The following PDS5A variants were observed in gnomAD, a reference collection of about 807,000 sequenced individuals.
PDS5A encodes the protein PDS5 cohesin associated factor A.
Under a neutral mutation model 167.1 loss-of-function variants are expected in PDS5A, and 42 were observed. The observed-to-expected ratio is 0.25, with a 90% CI of 0.20 to 0.33. The LOEUF (loss-of-function observed/expected upper bound fraction) is 0.33, where lower values mean the gene tolerates loss of function less well. Ranked by LOEUF, PDS5A falls within the 10% of genes least tolerant of loss-of-function variation. PDS5A has a pLI of 1.00. For synonymous variants in PDS5A, 553 were observed against 554.6 expected, an observed-to-expected ratio of 1.00 and a Z score of 0.04; for missense variants, 1,033 against 1,605.9, an observed-to-expected ratio of 0.64 and a Z score of 6.10.
chr4:39,976,561 T>C lies in PDS5A; in HGVS notation c.17A>G (p.Gln6Arg). 6.2e-7 allele frequency: 1 copy of C among 1,612,242 alleles called. No individual in the cohort carries two copies. Among genetic ancestry groups the C allele is most frequent in the East Asian group, 2.2e-5 (1 of 44,846 alleles). Residue 6 changes from glutamine to arginine, a missense_variant, in exon 2 of 33, where the codon CAG becomes CGG. Physicochemically the swap from Gln to Arg is conservative, Grantham distance 43. Transcript: ENST00000303538. ...ACAGAGGGCAGTGGCAGGCTTGGGC[T>C]GCGCGGTGAAGTCCATCCTGGGGGA... MDFTA[Q>R]PKPATALCGV...
Position 39,900,165 on chromosome 4 carries a change from T to C in PDS5A, c.1581+261A>G, listed in dbSNP as rs181075137. ...AAATTTAATTCTAATTATTTGAAAA[T>C]TGATTAACTATAAACTCTTAGTGTC... On this transcript the variant is annotated intron_variant, in intron 14 of 32. Transcript: ENST00000303538. Among the ~76,000 whole-genome samples, 32 of 152,242 alleles carry C rather than the reference T, an allele frequency of 2.1e-4. No individual in the cohort carries two copies. The East Asian group carries it at 5.6e-3, about 27-fold the overall frequency.
intron 5 of PDS5A, among the ~76,000 whole-genome samples, chr4:39,923,671 A>ACACACACACACACACG: frequency 6.6e-6 from 1 of 150,940 alleles, no homozygotes; most frequent in Non-Finnish European, 1.5e-5. Flanking sequence ...ACACACACAC[A>ACACACACACACACACG]CGCATCCACT....
chr4:39,858,307 T>C (rs1718700049), intron 26 of PDS5A, among the ~76,000 whole-genome samples: 2 of 152,168 alleles, frequency 1.3e-5, no homozygotes, highest in Admixed American at 6.5e-5. Flanking sequence ...ACTTCTCAAT[T>C]CTGAAACTTA....
intron 31 of PDS5A, 56 bp downstream of exon 31, chr4:39,841,892 G>T: frequency 1.0e-6 from 1 of 952,898 alleles, no homozygotes; most frequent in Non-Finnish European, 1.7e-6. Context: ...TATCCCTACG[G>T]AAAAACTGTA....
At chr4:39,872,476 C>A (rs1720132249) in intron 21 of PDS5A, among the ~76,000 whole-genome samples, 1 of 151,940 alleles carries the variant, frequency 6.6e-6, no homozygotes. Flanking sequence ...ATAAGCCTGG[C>A]CAACATAGCG....
At chr4:39,976,690 C>T in intron 1 of PDS5A, 73 bp from the exon 2 acceptor site, 2 of 772,818 alleles carry the variant, frequency 2.6e-6, no homozygotes, top group South Asian at 4.4e-5. Context: ...TCAAATCTCT[C>T]TAATCTGGAA....
chr4:39,906,932 A>AAC (rs1160362415), intron 11 of PDS5A, among the ~76,000 whole-genome samples: 4 of 151,012 alleles, frequency 2.6e-5, no homozygotes, highest in Admixed American at 2.6e-4. Flanking sequence ...AAAAAAAAAA[A>AAC]AAAAAAAAAA....
At chr4:39,829,234 A>C (rs1715591655) in intron 32 of PDS5A, among the ~76,000 whole-genome samples, 1 of 152,232 alleles carries the variant, frequency 6.6e-6, no homozygotes, top group Non-Finnish European at 1.5e-5. Context: ...ACTCACAGGG[A>C]ATACTAGCAG....
chr4:39,879,212 T>C (rs779129076), intron 18 of PDS5A, among the ~76,000 whole-genome samples: 9 of 152,178 alleles, frequency 5.9e-5, no homozygotes, highest in Non-Finnish European at 1.3e-4. Flanking sequence ...TATCAAGGGC[T>C]GCAGCTGGTT....
At chr4:39,903,974 A>C (rs528152721) in intron 12 of PDS5A, 66 bp downstream of exon 12, 1 of 850,218 alleles carries the variant, frequency 1.2e-6, no homozygotes, top group Admixed American at 3.5e-5. Context: ...CTAAAATATT[A>C]AATAGACATT....
intron 19 of PDS5A, among the ~76,000 whole-genome samples, chr4:39,875,595 G>A (rs543072018): frequency 1.2e-4 from 19 of 152,250 alleles, no homozygotes; most frequent in African/African-American, 4.6e-4. Flanking sequence ...AACCAAAAAT[G>A]GGAACATATG....
chr4:39,968,502 G>A (rs147041433), intron 2 of PDS5A, among the ~76,000 whole-genome samples: 13 of 150,216 alleles, frequency 8.7e-5, no homozygotes, highest in East Asian at 1.9e-4. Context: ...GCACCATGTC[G>A]GCTCACCACA....
chr4:39,924,840 G>A (rs1172913051), intron 5 of PDS5A, among the ~76,000 whole-genome samples: 2 of 152,190 alleles, frequency 1.3e-5, no homozygotes, highest in Non-Finnish European at 2.9e-5. Flanking sequence ...GGCTGGGTGT[G>A]GTAGCTCACA....
chr4:39,956,101 G>A (rs1471848102), intron 2 of PDS5A, among the ~76,000 whole-genome samples: 1 of 150,430 alleles, frequency 6.6e-6, no homozygotes, highest in Non-Finnish European at 1.5e-5. Flanking sequence ...TTAAGAAACA[G>A]ACTGAGACTG....
intron 32 of PDS5A, among the ~76,000 whole-genome samples, chr4:39,832,328 C>T (rs1322537662): frequency 1.3e-5 from 2 of 151,642 alleles, no homozygotes; most frequent in Non-Finnish European, 2.9e-5. Context: ...ATTCTCCTGC[C>T]TCAGCCTCCC....
intron 2 of PDS5A, chr4:39,973,736 T>C (rs1404326134): frequency 7.0e-6 from 9 of 1,286,176 alleles, no homozygotes; most frequent in East Asian, 2.3e-5. Flanking sequence ...ATGCAGAGAA[T>C]GGCAAGTGTA....
chr4:39,923,721 TAAAGGTGA>T (rs1725224539), intron 5 of PDS5A, among the ~76,000 whole-genome samples: 2 of 151,598 alleles, frequency 1.3e-5, no homozygotes, highest in African/African-American at 4.9e-5. Flanking sequence ...CCCAGATTTT[TAAAGGTGA>T]TAAAATTTTA....
At chr4:39,928,281 TTC>T in intron 2 of PDS5A, 117 bp from the exon 3 acceptor site, 1 of 608,126 alleles carries the variant, frequency 1.6e-6, no homozygotes, top group Non-Finnish European at 2.9e-6. Context: ...CACCAGACAG[TTC>T]ACAGTCAACT....
chr4:39,964,572 T>C (rs1339398377), intron 2 of PDS5A, among the ~76,000 whole-genome samples: 2 of 152,154 alleles, frequency 1.3e-5, no homozygotes, highest in African/African-American at 2.4e-5. Flanking sequence ...GGTGGGGTTT[T>C]GCGCCTGTAG....
Sources: allele counts gnomAD v4.1 joint callset (sites outside exome capture counted in the v4.1 genomes callset), GRCh38; gene constraint gnomAD v4.1.1; transcripts MANE v1.5; gene names NCBI Gene and HGNC (gene_info 2026-07-23, HGNC 2026-07-21).